The following GNB4 variants were observed in gnomAD, a reference collection of about 807,000 sequenced individuals.
GNB4 encodes G protein subunit beta 4.
Under a neutral mutation model 45.2 loss-of-function variants are expected in GNB4, and 28 were observed. The ratio of observed to expected loss-of-function variants is 0.62; its 90% CI spans 0.46 to 0.85. The LOEUF (loss-of-function observed/expected upper bound fraction) is 0.85. Ranked by LOEUF, GNB4 falls within the 40% of genes least tolerant of loss-of-function variation. The pLI, the probability that GNB4 is intolerant of heterozygous loss-of-function variation, is 0.00. For missense variants in GNB4, 321 were observed against 425.4 expected (o/e 0.75, Z 2.16); for synonymous variants, 132 against 143.7 (o/e 0.92, Z 0.58).
At chr3:179,477,537 C>T in the GNB4 span, among the ~76,000 whole-genome samples, 1 of 152,088 alleles carries the variant, frequency 6.6e-6, no homozygotes, top group Non-Finnish European at 1.5e-5. Context: ...TCAGAATGAC[C>T]TTTCTATCCA....
chr3:179,520,190 G>T, the GNB4 span, among the ~76,000 whole-genome samples: 13 of 138,926 alleles, frequency 9.4e-5, no homozygotes, highest in Non-Finnish European at 1.9e-4. Flanking sequence ...CACCCATCAG[G>T]CTCAGCAAAT....
intron 8 of GNB4, among the ~76,000 whole-genome samples, chr3:179,406,702 T>C (rs1428681801): frequency 6.6e-6 from 1 of 152,178 alleles, no homozygotes; most frequent in Non-Finnish European, 1.5e-5. Context: ...AACTTCTGCC[T>C]CCTGGGTTCA....
At chr3:179,451,204 C>G (rs999412285) in intron 1 of GNB4, 142 bp downstream of exon 1, 5 of 151,636 alleles carry the variant, frequency 3.3e-5, no homozygotes, top group Non-Finnish European at 1.5e-5. Context: ...CGCCCGAGCC[C>G]GGGGAGACCC....
chr3:179,447,702 T>TGGC lies in GNB4; in HGVS notation c.-43+3641_-43+3643dup, dbSNP rs1354197511. On this transcript the variant is annotated intron_variant, in intron 1 of 9. Transcript: ENST00000232564. Reference sequence around the variant, plus strand: ...CAGTTTGACACCAGGGTGGTGGTGGTGGCAGTGCAGGTGATAGGAATGGTC... The same window carrying TGGC: ...CAGTTTGACACCAGGGTGGTGGTGGTGGCGGCAGTGCAGGTGATAGGAATGGTC... Among the ~76,000 whole-genome samples the TGGC allele has an allele frequency of 3.3e-5, 5 of 152,248 alleles. No individual in the cohort carries two copies. In the East Asian group the frequency reaches 9.7e-4, roughly 29 times the overall value.
At chr3:179,442,007 A>G (rs1409423798) in intron 1 of GNB4, among the ~76,000 whole-genome samples, 1 of 152,082 alleles carries the variant, frequency 6.6e-6, no homozygotes, top group Non-Finnish European at 1.5e-5. Flanking sequence ...GGGTTTCACC[A>G]TGTTGGTCAG....
At chr3:179,457,506 A>G in the GNB4 span, among the ~76,000 whole-genome samples, 1 of 152,282 alleles carries the variant, frequency 6.6e-6, no homozygotes, top group African/African-American at 2.4e-5. Context: ...CTCATTTCTT[A>G]TCACATTCTA....
chr3:179,510,244 C>T, the GNB4 span, among the ~76,000 whole-genome samples: 1 of 152,176 alleles, frequency 6.6e-6, no homozygotes, highest in Non-Finnish European at 1.5e-5. Flanking sequence ...CCCTGCCCAG[C>T]TCACTCATTT....
intron 1 of GNB4, among the ~76,000 whole-genome samples, chr3:179,449,941 A>G (rs1409302614): frequency 6.6e-6 from 1 of 152,230 alleles, no homozygotes; most frequent in Non-Finnish European, 1.5e-5. Flanking sequence ...CCAATTGTTT[A>G]AAAGAAACAA....
At chr3:179,496,779 T>A in the GNB4 span, among the ~76,000 whole-genome samples, 469 of 152,174 alleles carry the variant, frequency 3.1e-3, 2 homozygotes, top group African/African-American at 0.01. Flanking sequence ...GATCAATTTA[T>A]CAAAAGGATA....
At chr3:179,409,212 A>T (rs528266903) in intron 8 of GNB4, among the ~76,000 whole-genome samples, 4 of 152,036 alleles carry the variant, frequency 2.6e-5, no homozygotes, top group Non-Finnish European at 4.4e-5. Context: ...CTTCTATCTT[A>T]AAAAAACTAG....
At position 179,451,408 on chromosome 3, in the gene GNB4, C is replaced by A. The variant is rs1211234223; in HGVS notation, c.-105G>T. On this transcript the variant is annotated 5_prime_UTR_variant, in exon 1 of 10. Coordinates refer to ENST00000232564, the MANE Select transcript of GNB4 (RefSeq NM_021629.4). The stretch of plus-strand genomic sequence containing the variant: ...CGGTGTCCGCTGGGCGCTCAGCAGC[C>A]CCTGGAGCGCGGAGCCGGCGTGGAG... 3 of 151,304 alleles carry A rather than the reference C, an allele frequency of 2.0e-5. No individual in the cohort carries two copies. The highest frequency in any genetic ancestry group is 4.8e-5 in the African/African-American group (2 of 41,448). The allele number at this position is 151,304 out of a possible 1,614,324, so 9.4% of individuals were successfully genotyped here.
chr3:179,518,319 CT>C, the GNB4 span, among the ~76,000 whole-genome samples: 1 of 152,152 alleles, frequency 6.6e-6, no homozygotes, highest in Admixed American at 6.5e-5. Flanking sequence ...GACAAACAGT[CT>C]GAGGTGCCTG....
chr3:179,422,572 T>C (rs1268028871), intron 2 of GNB4, among the ~76,000 whole-genome samples: 1 of 152,112 alleles, frequency 6.6e-6, no homozygotes, highest in Non-Finnish European at 1.5e-5. Context: ...AAAAATCTGG[T>C]AAGATATTTG....
At position 179,419,389 on chromosome 3, in the gene GNB4, A is replaced by C. The variant is rs971594075; in HGVS notation, c.203+10T>G. ...CAGTTTAAAAATGACAGGTAATGACAGGTACAAACCTGGAATCGTATCCCC... is the reference window on the plus strand; with the variant it reads ...CAGTTTAAAAATGACAGGTAATGACCGGTACAAACCTGGAATCGTATCCCC... On this transcript the variant is annotated intron_variant, in intron 4 of 9. Transcript: ENST00000232564. 50 of 1,450,534 alleles carry C rather than the reference A, an allele frequency of 3.4e-5. No individual in the cohort carries two copies. The highest frequency in any genetic ancestry group is 4.5e-5 in the Non-Finnish European group (46 of 1,031,632). The allele number at this position is 1,450,534 out of a possible 1,614,324, so 89.9% of individuals were successfully genotyped here.
At chr3:179,430,738 T>G (rs1467536685) in intron 1 of GNB4, among the ~76,000 whole-genome samples, 4 of 151,866 alleles carry the variant, frequency 2.6e-5, no homozygotes, top group Non-Finnish European at 5.9e-5. Flanking sequence ...ATTACAGGCA[T>G]GAGCCACCAT....
intron 2 of GNB4, among the ~76,000 whole-genome samples, chr3:179,422,854 G>A (rs148425330): frequency 0.022 from 3,353 of 152,130 alleles, 128 homozygotes; most frequent in African/African-American, 0.076. Context: ...GTGCACTGGC[G>A]CCATCTTGGC....
At chr3:179,490,463 T>C in the GNB4 span, among the ~76,000 whole-genome samples, 1 of 152,112 alleles carries the variant, frequency 6.6e-6, no homozygotes, top group Non-Finnish European at 1.5e-5. Context: ...GGGGATTCAT[T>C]AGGGGAGTTG....
intron 8 of GNB4, among the ~76,000 whole-genome samples, chr3:179,409,825 A>C (rs912845668): frequency 2.6e-5 from 3 of 116,802 alleles, no homozygotes; most frequent in Admixed American, 9.2e-5. Flanking sequence ...AAAAACAAAA[A>C]AACAAAACAA....
At chr3:179,482,394 G>A in the GNB4 span, among the ~76,000 whole-genome samples, 1 of 152,094 alleles carries the variant, frequency 6.6e-6, no homozygotes, top group Non-Finnish European at 1.5e-5. Context: ...TCTCTTGAGT[G>A]GTGATGACGC....
Sources: allele counts gnomAD v4.1 joint callset (sites outside exome capture counted in the v4.1 genomes callset), GRCh38; gene constraint gnomAD v4.1.1; transcripts MANE v1.5; gene names NCBI Gene and HGNC (gene_info 2026-07-23, HGNC 2026-07-21).